Variants in NDUFAF2 observed in about 807,000 individuals in gnomAD.
The protein encoded by NDUFAF2 is NADH:ubiquinone oxidoreductase complex assembly factor 2.
In NDUFAF2, 13 loss-of-function variants were observed where a neutral mutation model predicts 22.8. The ratio of observed to expected loss-of-function variants is 0.57; its 90% confidence interval spans 0.37 to 0.91. The LOEUF (loss-of-function observed/expected upper bound fraction) is 0.91. Ranked by LOEUF, NDUFAF2 falls within the 40% of genes least tolerant of loss-of-function variation. The pLI, the probability that NDUFAF2 is intolerant of heterozygous loss-of-function variation, is 0.01. For missense variants in NDUFAF2, 162 were observed against 195.2 expected (o/e 0.83, Z 1.01); for synonymous variants, 53 against 64.2 (o/e 0.83, Z 0.84).
At chr5:60,994,438 C>T (rs915149319) in intron 1 of NDUFAF2, among the ~76,000 whole-genome samples, 5 of 152,208 alleles carry the variant, frequency 3.3e-5, no homozygotes, top group South Asian at 4.1e-4. Context: ...GCTCCACCAA[C>T]GTGGAAAGAG....
chr5:60,977,387 C>T (rs1750916315), intron 1 of NDUFAF2, among the ~76,000 whole-genome samples: 1 of 151,764 alleles, frequency 6.6e-6, no homozygotes, highest in African/African-American at 2.4e-5. Context: ...TATGATTGTG[C>T]CATTGCAGTC....
chr5:61,002,633 T>C (rs34784445), intron 1 of NDUFAF2, among the ~76,000 whole-genome samples: 30,253 of 152,096 alleles, frequency 0.2, 3,574 homozygotes, highest in Non-Finnish European at 0.26. Flanking sequence ...ACTAAAACAT[T>C]GTGCAGATGT....
intron 1 of NDUFAF2, among the ~76,000 whole-genome samples, chr5:61,026,806 A>C (rs1214576545): frequency 1.3e-5 from 2 of 151,978 alleles, no homozygotes; most frequent in African/African-American, 4.8e-5. Flanking sequence ...TTTTAGCAAA[A>C]TGTACAAAAA....
At chr5:61,042,025 T>C (rs1331979282) in intron 1 of NDUFAF2, among the ~76,000 whole-genome samples, 1 of 152,176 alleles carries the variant, frequency 6.6e-6, no homozygotes, top group Non-Finnish European at 1.5e-5. Context: ...AATCCAGGTA[T>C]GACCACGTAG....
At chr5:61,099,703 T>G (rs765212856) in intron 3 of NDUFAF2, among the ~76,000 whole-genome samples, 24 of 152,102 alleles carry the variant, frequency 1.6e-4, no homozygotes, top group Non-Finnish European at 3.1e-4. Flanking sequence ...AGTTATTTTA[T>G]AAGAAGTAAT....
At chr5:61,116,133 T>C (rs1370826391) in intron 3 of NDUFAF2, 1 of 152,182 alleles carries the variant, frequency 6.6e-6, no homozygotes, top group African/African-American at 2.4e-5. Context: ...GATTCGTCTT[T>C]GCGGACTCTT....
At chr5:61,123,533 G>C (rs1753000917) in intron 3 of NDUFAF2, among the ~76,000 whole-genome samples, 1 of 152,146 alleles carries the variant, frequency 6.6e-6, no homozygotes, top group Non-Finnish European at 1.5e-5. Flanking sequence ...GCTATTCATT[G>C]TTAACTGAAA....
intron 1 of NDUFAF2, among the ~76,000 whole-genome samples, chr5:61,056,023 A>G (rs901622762): frequency 6.6e-6 from 1 of 152,198 alleles, no homozygotes; most frequent in Non-Finnish European, 1.5e-5. Context: ...AAATTAACAT[A>G]ATATTATTGA....
At chr5:60,985,742 A>G (rs951190046) in intron 1 of NDUFAF2, among the ~76,000 whole-genome samples, 4 of 152,100 alleles carry the variant, frequency 2.6e-5, no homozygotes, top group Non-Finnish European at 5.9e-5. Flanking sequence ...TCCCATTTTT[A>G]AAACCATCAG....
Position 61,137,306 on chromosome 5 carries a change from A to G in NDUFAF2, c.259-15398A>G, listed in dbSNP as rs142116567. Among the ~76,000 whole-genome samples, 8 of 152,288 alleles carry G rather than the reference A, an allele frequency of 5.3e-5. No homozygotes were observed. The East Asian group carries it at 1.2e-3, about 22-fold the overall frequency. ...GAGTCATTTATTCATTCAACAAATT[A>G]TTTTTCAACACTTACATAATATGCT... On this transcript the variant is annotated intron_variant, in intron 3 of 3. Transcript: ENST00000296597.
intron 1 of NDUFAF2, among the ~76,000 whole-genome samples, chr5:60,987,680 A>G (rs1031322150): frequency 1.3e-5 from 2 of 152,198 alleles, no homozygotes; most frequent in African/African-American, 4.8e-5. Context: ...AAAGACAAAA[A>G]CCATGTGATT....
At chr5:61,063,268 T>C (rs1752188372) in intron 1 of NDUFAF2, among the ~76,000 whole-genome samples, 1 of 151,616 alleles carries the variant, frequency 6.6e-6, no homozygotes, top group African/African-American at 2.4e-5. Context: ...GGAGGCTAAA[T>C]GGGAGGATTG....
intron 1 of NDUFAF2, among the ~76,000 whole-genome samples, chr5:61,026,043 A>G (rs1244194307): frequency 6.6e-6 from 1 of 152,146 alleles, no homozygotes; most frequent in Non-Finnish European, 1.5e-5. Flanking sequence ...TATCTGAGAT[A>G]GCACTATTTT....
chr5:61,014,606 G>C (rs555525649), intron 1 of NDUFAF2, among the ~76,000 whole-genome samples: 20 of 152,244 alleles, frequency 1.3e-4, no homozygotes, highest in African/African-American at 4.8e-4. Flanking sequence ...AGTACCAATA[G>C]TCTTGGGACG....
intron 3 of NDUFAF2, among the ~76,000 whole-genome samples, chr5:61,149,293 C>T (rs1390204505): frequency 6.6e-6 from 1 of 152,074 alleles, no homozygotes; most frequent in Non-Finnish European, 1.5e-5. Context: ...TTTATAAAAG[C>T]TTACTCACCT....
chr5:61,128,395 A>C (rs571151134), intron 3 of NDUFAF2, among the ~76,000 whole-genome samples: 1 of 152,340 alleles, frequency 6.6e-6, no homozygotes, highest in East Asian at 1.9e-4. Context: ...CTGACTTCAA[A>C]CTATACTACA....
At chr5:61,010,486 C>T (rs765698292) in intron 1 of NDUFAF2, among the ~76,000 whole-genome samples, 8 of 152,060 alleles carry the variant, frequency 5.3e-5, no homozygotes, top group Non-Finnish European at 1.5e-5. Context: ...TCAACTCTTC[C>T]ATTTAGCTAA....
chr5:61,031,162 T>C (rs1751718611), intron 1 of NDUFAF2, among the ~76,000 whole-genome samples: 1 of 152,136 alleles, frequency 6.6e-6, no homozygotes, highest in African/African-American at 2.4e-5. Context: ...ACTATTATGT[T>C]TTCTTTTTTT....
Position 61,045,624 on chromosome 5 carries a change from C to A in NDUFAF2, c.128-27501C>A, listed in dbSNP as rs75185203. On this transcript the variant is annotated intron_variant, in intron 1 of 3. Coordinates refer to ENST00000296597, the MANE Select transcript of NDUFAF2 (RefSeq NM_174889.5). Reference sequence around the variant, plus strand: ...AAAGTGGTGAGATTACAGGCATGAACTACCTTACTTGGCTGATTTCTTTTT... The same window carrying A: ...AAAGTGGTGAGATTACAGGCATGAAATACCTTACTTGGCTGATTTCTTTTT... Among the ~76,000 whole-genome samples, 185 of 152,144 alleles carry A rather than the reference C, an allele frequency of 1.2e-3. 4 individuals carry two copies. The East Asian group carries it at 0.034, about 28-fold the overall frequency.
Sources: allele counts gnomAD v4.1 joint callset (sites outside exome capture counted in the v4.1 genomes callset), GRCh38; gene constraint gnomAD v4.1.1; transcripts MANE v1.5; gene names NCBI Gene and HGNC (gene_info 2026-07-23, HGNC 2026-07-21).